The following GPR161 variants were observed in gnomAD, a reference collection of about 807,000 sequenced individuals.
GPR161 encodes G protein-coupled receptor 161.
Under a neutral mutation model 39.2 loss-of-function variants are expected in GPR161, and 25 were observed. That is an observed-to-expected ratio of 0.64 (90% CI 0.47 to 0.89). The LOEUF is 0.89. GPR161 is among the 40% of genes least tolerant of loss of function. The pLI is 0.00. For synonymous variants in GPR161, 286 were observed against 276.6 expected (o/e 1.03, Z -0.34); for missense variants, 547 against 677.8 (o/e 0.81, Z 2.14).
chr1:168,132,046 C>T (rs1232945756), intron 1 of GPR161, among the ~76,000 whole-genome samples: 4 of 152,192 alleles, frequency 2.6e-5, no homozygotes, highest in Non-Finnish European at 5.9e-5. Context: ...GGGCAAATCC[C>T]CGGAGGTCAG....
chr1:168,114,966 C>A (rs1454618950), intron 1 of GPR161, among the ~76,000 whole-genome samples: 2 of 152,120 alleles, frequency 1.3e-5, no homozygotes, highest in Non-Finnish European at 2.9e-5. Flanking sequence ...TAGGGATGCT[C>A]ACATGACCCT....
intron 3 of GPR161, among the ~76,000 whole-genome samples, chr1:168,091,221 T>TG (rs1048365188): frequency 2.0e-5 from 3 of 151,290 alleles, no homozygotes; most frequent in African/African-American, 4.9e-5. Flanking sequence ...GGAACGGGGT[T>TG]GGGGGGTAGG....
chr1:168,112,629 G>A (rs952914451), intron 1 of GPR161, among the ~76,000 whole-genome samples: 4 of 152,030 alleles, frequency 2.6e-5, no homozygotes, highest in African/African-American at 9.7e-5. Context: ...GGCCGAGGTG[G>A]GCGGATCACT....
At chr1:168,086,739 C>T (rs1694539084) in intron 5 of GPR161, among the ~76,000 whole-genome samples, 1 of 152,210 alleles carries the variant, frequency 6.6e-6, no homozygotes, top group Admixed American at 6.5e-5. Flanking sequence ...CATGAGGCTG[C>T]TGGCCCAAGC....
intron 1 of GPR161, among the ~76,000 whole-genome samples, chr1:168,133,621 C>T (rs566665596): frequency 2.0e-5 from 3 of 152,196 alleles, no homozygotes; most frequent in South Asian, 2.1e-4. Context: ...TTATATGACC[C>T]GATTTATGTT....
intron 1 of GPR161, among the ~76,000 whole-genome samples, chr1:168,116,410 G>A (rs1697634972): frequency 6.6e-6 from 1 of 152,172 alleles, no homozygotes; most frequent in African/African-American, 2.4e-5. Context: ...CATACTCTCA[G>A]GGCCCCTTTA....
intron 3 of GPR161, among the ~76,000 whole-genome samples, chr1:168,095,204 A>G (rs1695413433): frequency 1.3e-5 from 2 of 152,384 alleles, no homozygotes; most frequent in East Asian, 1.9e-4. Flanking sequence ...AAAGCTGTCA[A>G]TGTCATAAAA....
At chr1:168,088,679 T>TA (rs1474475047) in intron 4 of GPR161, 1 of 152,268 alleles carries the variant, frequency 6.6e-6, no homozygotes, top group Non-Finnish European at 1.5e-5. Flanking sequence ...TGTAAACATC[T>TA]AGCATAGTGC....
At chr1:168,133,951 C>G in intron 1 of GPR161, 1 of 818,886 alleles carries the variant, frequency 1.2e-6, no homozygotes, top group Non-Finnish European at 1.5e-6. Flanking sequence ...CAGTGGTTAT[C>G]TCAAAGGTGG....
rs1694177918 is a variant in GPR161, at chr1:168,082,962, G to C, written c.*2569C>G. On this transcript the variant is annotated 3_prime_UTR_variant, in exon 6 of 6. Transcript: ENST00000682931. ...TGAATTCCTGAATATGGAAAATATG[G>C]TTCTAGCTGCCAAGCATCCTTCAAG... The C allele has an allele frequency of 6.6e-6, 1 of 152,142 alleles. No individual in the cohort carries two copies. The highest frequency in any genetic ancestry group is 2.1e-4 in the South Asian group (1 of 4,828). The allele number at this position is 152,142 out of a possible 1,614,324, so 9.4% of individuals were successfully genotyped here. A position where few individuals can be genotyped will look rare whatever the true frequency, so the allele number is the denominator to read the frequency against.
At chr1:168,105,005 C>T (rs1696475494) in intron 1 of GPR161, 111 bp from the exon 2 acceptor site, 1 of 738,274 alleles carries the variant, frequency 1.4e-6, no homozygotes, top group Non-Finnish European at 2.2e-6. Flanking sequence ...TCAGATCACC[C>T]AGCTAGTACA....
Position 168,084,969 on chromosome 1 carries a change from T to C in GPR161, c.*562A>G. On this transcript the variant is annotated 3_prime_UTR_variant, in exon 6 of 6. Coordinates refer to ENST00000682931, the MANE Select transcript of GPR161 (RefSeq NM_001375883.1). Reference sequence around the variant, plus strand: ...GGACCGCTCCGAAGCGCTCTGCTCCTGGGTGCTTTCTCTGCGGACCAGTCC... The same window carrying C: ...GGACCGCTCCGAAGCGCTCTGCTCCCGGGTGCTTTCTCTGCGGACCAGTCC... The C allele has an allele frequency of 2.2e-6, 1 of 456,324 alleles. No homozygotes were observed. The highest frequency in any genetic ancestry group is 1.5e-5 in the South Asian group (1 of 64,574). 28.3% of individuals were successfully genotyped at this position (456,324 alleles called of 1,614,324 possible).
At chr1:168,122,596 C>T (rs1391567554) in intron 1 of GPR161, among the ~76,000 whole-genome samples, 1 of 152,164 alleles carries the variant, frequency 6.6e-6, no homozygotes. Context: ...GCTCCAATCT[C>T]TTAATAAAAA....
intron 3 of GPR161, among the ~76,000 whole-genome samples, chr1:168,095,525 T>C (rs1234670965): frequency 6.6e-6 from 1 of 152,150 alleles, no homozygotes; most frequent in Non-Finnish European, 1.5e-5. Flanking sequence ...CTGGGTCCCA[T>C]CAAAGGTGGT....
At chr1:168,101,764 C>T (rs971052237) in intron 2 of GPR161, among the ~76,000 whole-genome samples, 6 of 152,124 alleles carry the variant, frequency 3.9e-5, no homozygotes, top group Non-Finnish European at 4.4e-5. Flanking sequence ...GTTAAAATCA[C>T]GCCCACTGCC....
intron 1 of GPR161, among the ~76,000 whole-genome samples, chr1:168,123,579 C>CAT (rs796208020): frequency 0.066 from 9,789 of 147,738 alleles, 416 homozygotes; most frequent in South Asian, 0.17. Context: ...CACACACACA[C>CAT]TTGTTTGCAT....
chr1:168,086,359 G>C (rs540158476), intron 5 of GPR161, among the ~76,000 whole-genome samples: 1 of 152,368 alleles, frequency 6.6e-6, no homozygotes, highest in African/African-American at 2.4e-5. Context: ...ACAGAAGTGA[G>C]AGGGGGGAGC....
At position 168,096,736 on chromosome 1, in the gene GPR161, C is replaced by A; in HGVS notation, c.871G>T (p.Ala291Ser). The change falls in exon 3 of 6, where the codon GCC becomes TCC. Residue 291 changes from alanine (A) to serine (S), a missense_variant. By Grantham distance (99) the Ala-to-Ser change is moderately conservative. Coordinates refer to ENST00000682931, the MANE Select transcript of GPR161 (RefSeq NM_001375883.1). ...CTTTTCCCCCAGAGGGCCTCAGAGG[C>A]GATGACAACCATGTAGGGGCCCCAG... ...VTWGPYMVVI[A>S]SEALWGKSSV... 1 of 1,614,014 alleles carries A rather than the reference C, an allele frequency of 6.2e-7. No individual in the cohort carries two copies. The highest frequency in any genetic ancestry group is 8.5e-7 in the Non-Finnish European group (1 of 1,180,010).
chr1:168,137,474 T>C (rs146973452), upstream of GPR161: 1,539 of 1,367,324 alleles, frequency 1.1e-3, 27 homozygotes, highest in African/African-American at 0.019. Flanking sequence ...CCACAGTGAA[T>C]TCGTCCCGAA....
Sources: gnomAD v4.1 joint callset for allele counts (sites outside exome capture counted in the v4.1 genomes callset) on GRCh38, gnomAD v4.1.1 for gene constraint, MANE v1.5 for transcripts, NCBI Gene and HGNC (gene_info 2026-07-23, HGNC 2026-07-21) for gene names.